SMG6: variants seen among roughly 807,000 people sequenced by gnomAD.
SMG6 encodes the protein SMG6 nonsense mediated mRNA decay factor.
Under a neutral mutation model 142.2 loss-of-function variants are expected in SMG6, and 66 were observed. The ratio of observed to expected loss-of-function variants is 0.46; its 90% CI spans 0.38 to 0.57. SMG6 has a LOEUF of 0.57. SMG6 is among the 20% of genes least tolerant of loss of function. SMG6 has a pLI of 0.00. For synonymous variants in SMG6, 779 were observed against 702.4 expected (o/e 1.11, Z -1.72); for missense variants, 1,793 against 1,832.0 (o/e 0.98, Z 0.39).
At chr17:2,259,733 G>C (rs1021928597) in intron 8 of SMG6, among the ~76,000 whole-genome samples, 1 of 151,052 alleles carries the variant, frequency 6.6e-6, no homozygotes, top group African/African-American at 2.4e-5. Context: ...CTAATAAAGG[G>C]ACTGTGCACA....
chr17:2,213,829 G>T (rs139072619), intron 10 of SMG6: 1 of 151,990 alleles, frequency 6.6e-6, no homozygotes, highest in African/African-American at 2.4e-5. Flanking sequence ...TTGAAATAAC[G>T]GGCCCACTGC....
At chr17:2,086,298 G>A (rs1045273074) in intron 13 of SMG6, among the ~76,000 whole-genome samples, 7 of 152,062 alleles carry the variant, frequency 4.6e-5, no homozygotes, top group Non-Finnish European at 7.4e-5. Context: ...GGGGCCCCTC[G>A]CTGCCACTCT....
At chr17:2,294,639 AGTTT>A (rs2075107911) in intron 4 of SMG6, among the ~76,000 whole-genome samples, 1 of 152,192 alleles carries the variant, frequency 6.6e-6, no homozygotes, top group South Asian at 2.1e-4. Context: ...CTTCAGCGTT[AGTTT>A]AACTATGATT....
At chr17:2,188,000 T>C (rs1473134706) in intron 11 of SMG6, among the ~76,000 whole-genome samples, 1 of 152,124 alleles carries the variant, frequency 6.6e-6, no homozygotes, top group Non-Finnish European at 1.5e-5. Context: ...TCTCCCATGA[T>C]GGCTGGTCCA....
chr17:2,091,783 A>G (rs113305908), intron 13 of SMG6, among the ~76,000 whole-genome samples: 9,306 of 145,362 alleles, frequency 0.064, 927 homozygotes, highest in African/African-American at 0.22. Flanking sequence ...CCATTCTCCT[A>G]CCTCAGCCTC....
At position 2,289,851 on chromosome 17, in the gene SMG6, T is replaced by G. The variant is rs193052580; in HGVS notation, c.2337+2701A>C. 3.7e-3 allele frequency among the ~76,000 whole-genome samples: 566 copies of G among 151,218 alleles called. 3 individuals carry two copies. Among genetic ancestry groups the G allele is most frequent in the African/African-American group, 0.013 (519 of 41,174 alleles). Reference sequence around the variant, plus strand: ...TAGCTTGAACCCAGGAGGCGGAGGTTACAGTAAGCCGAGACTACTGCAGCG... The same window carrying G: ...TAGCTTGAACCCAGGAGGCGGAGGTGACAGTAAGCCGAGACTACTGCAGCG... On this transcript the variant is annotated intron_variant, in intron 6 of 18. Transcript: ENST00000263073.
intron 13 of SMG6, among the ~76,000 whole-genome samples, chr17:2,172,053 C>T (rs2071519784): frequency 6.6e-6 from 1 of 152,208 alleles, no homozygotes; most frequent in Non-Finnish European, 1.5e-5. Context: ...ACTCCACAGT[C>T]TCCAACAGCG....
At chr17:2,105,894 A>G (rs929230752) in intron 13 of SMG6, among the ~76,000 whole-genome samples, 10 of 152,248 alleles carry the variant, frequency 6.6e-5, no homozygotes, top group Non-Finnish European at 1.3e-4. Flanking sequence ...TGTCTGCACC[A>G]CAGCCTTGAA....
At chr17:2,278,091 G>A (rs921716419) in intron 8 of SMG6, among the ~76,000 whole-genome samples, 7 of 152,102 alleles carry the variant, frequency 4.6e-5, no homozygotes, top group African/African-American at 1.7e-4. Context: ...TTACAGGTAT[G>A]TGCATACACG....
rs1296755104 is a variant in SMG6, at chr17:2,282,815, G to A, written c.2493C>T (p.Ser831=). 1 of 1,614,092 alleles carries A rather than the reference G, an allele frequency of 6.2e-7. No homozygotes were observed. Among genetic ancestry groups the A allele is most frequent in the Admixed American group, 1.7e-5 (1 of 60,008 alleles). Residue 831 remains serine (S), a synonymous_variant, in exon 8 of 19, where the codon AGC becomes AGT. Coordinates refer to ENST00000263073, the MANE Select transcript of SMG6 (RefSeq NM_017575.5). ...TCTTTCCTTTCCGCCACTGGTCAGG[G>A]CTCAGGTCAAATTCCTCATGTTGCT... is the stretch of plus-strand genomic sequence containing the variant. ...EKKQHEEFDL[S]PDQWRKGKKS...
In SMG6 at chr17:2,172,725, A is replaced by C; in HGVS notation, c.3290T>G (p.Leu1097Arg). ...AGCCAGCAAGGGGACAAAGCCCGAG[A>C]GAAGCCGATCCTCTTCCAGGATAAG... is the stretch of plus-strand genomic sequence containing the variant. Reference protein sequence around the residue: ...TLLILEEDRLLSGFVPLLAAP... With the variant: ...TLLILEEDRLRSGFVPLLAAP... Residue 1097 changes from leucine to arginine, a missense_variant, in exon 13 of 19, where the codon CTC becomes CGC. Around this residue, in one of 3 missense-constraint regions of SMG6, gnomAD observed 1,597 missense variants for 1,584.6 expected, o/e 1.01. Coordinates refer to ENST00000263073, the MANE Select transcript of SMG6 (RefSeq NM_017575.5). 1 of 1,614,158 alleles carries C rather than the reference A, an allele frequency of 6.2e-7. No homozygotes were observed. The highest frequency in any genetic ancestry group is 2.2e-5 in the East Asian group (1 of 44,880).
chr17:2,085,821 C>T lies in SMG6; in HGVS notation c.3438G>A (p.Leu1146=), dbSNP rs2068546142. Residue 1146 remains leucine (L), a synonymous_variant, in exon 14 of 19, where the codon CTG becomes CTA. Coordinates refer to ENST00000263073, the MANE Select transcript of SMG6 (RefSeq NM_017575.5). This position sits in a 1 kb window ranked among gnomAD's most constrained non-coding sequence, Gnocchi z 4.1. ...EALCGQEEPL[L]AFKGGKYVSV... is the part of the protein sequence containing the mutation. The stretch of plus-strand genomic sequence containing the variant: ...ACACATACTTTCCACCCTTGAATGC[C>T]AGCAGAGGCTCTTCTTGTCCACAAA... 2 of 1,614,188 alleles carry T rather than the reference C, an allele frequency of 1.2e-6. No homozygotes were observed. The highest frequency in any genetic ancestry group is 2.2e-5 in the South Asian group (2 of 91,080).
At chr17:2,122,253 A>G (rs1293277586) in intron 13 of SMG6, 1 of 152,266 alleles carries the variant, frequency 6.6e-6, no homozygotes, top group East Asian at 1.9e-4. Context: ...GGTACTGGGT[A>G]TAAGTGAGCT....
At chr17:2,292,659 C>T (rs1233577174) in intron 5 of SMG6, 29 bp from the exon 6 acceptor site, 1 of 1,611,394 alleles carries the variant, frequency 6.2e-7, no homozygotes, top group Admixed American at 1.7e-5. Context: ...TAAGAAAATG[C>T]TAGTTCCAGA....
At position 2,226,599 on chromosome 17, in the gene SMG6, C is replaced by CA. The variant is rs894880317; in HGVS notation, c.2869+9892dup. Among the ~76,000 whole-genome samples the CA allele has an allele frequency of 5.9e-4, 82 of 139,380 alleles. 1 individual carries two copies. The highest frequency in any genetic ancestry group is 1.9e-3 in the East Asian group (9 of 4,708). The allele number at this position is 139,380 out of a possible 152,430, so 91.4% of individuals were successfully genotyped here. ...GTCTTAAAACAAACAAACAAACAAA[C>CA]AAAAAAAAAACAAACAAGTGGGGCT... is the stretch of plus-strand genomic sequence containing the variant. On this transcript the variant is annotated intron_variant, in intron 10 of 18. Transcript: ENST00000263073.
intron 6 of SMG6, 29 bp downstream of exon 6, chr17:2,292,523 A>C (rs1432154903): frequency 1.2e-6 from 2 of 1,606,360 alleles, no homozygotes; most frequent in African/African-American, 2.7e-5. Context: ...CCTGCAAAGC[A>C]CTTTTCCCCT....
At position 2,071,741 on chromosome 17, in the gene SMG6, G is replaced by A. The variant is rs1022468773; in HGVS notation, c.3682-2810C>T. On this transcript the variant is annotated intron_variant, in intron 15 of 18. Transcript: ENST00000263073. This position sits in a 1 kb window ranked among gnomAD's most constrained non-coding sequence, Gnocchi z 5.6. Reference sequence around the variant, plus strand: ...CTGGGGTACCGGTGGGCCTCTGGGCGGGGGGGGTCACACCTGGGTCACAAG... The same window carrying A: ...CTGGGGTACCGGTGGGCCTCTGGGCAGGGGGGGTCACACCTGGGTCACAAG... Among the ~76,000 whole-genome samples, 1 of 19,598 alleles carries A rather than the reference G, an allele frequency of 5.1e-5. No homozygotes were observed. Among genetic ancestry groups the A allele is most frequent in the Non-Finnish European group, 9.6e-5 (1 of 10,364 alleles). The allele number at this position is 19,598 out of a possible 152,430, so 12.9% of individuals were successfully genotyped here.
At chr17:2,227,815 T>C (rs1215110106) in intron 10 of SMG6, among the ~76,000 whole-genome samples, 2 of 152,204 alleles carry the variant, frequency 1.3e-5, no homozygotes, top group African/African-American at 2.4e-5. Flanking sequence ...TAACCATCAA[T>C]AGACTCAATG....
At chr17:2,128,833 A>AAAAAG (rs994810334) in intron 13 of SMG6, among the ~76,000 whole-genome samples, 1 of 149,034 alleles carries the variant, frequency 6.7e-6, no homozygotes, top group African/African-American at 2.5e-5. Context: ...AAAAAAAAAA[A>AAAAAG]AGAGAGAGAG....
Sources: gnomAD v4.1 joint callset for allele counts (sites outside exome capture counted in the v4.1 genomes callset) on GRCh38, gnomAD v4.1.1 for gene constraint, gnomAD v4.1.1 regional missense constraint, Gnocchi (gnomAD v3.1) non-coding constraint, MANE v1.5 for transcripts, NCBI Gene and HGNC (gene_info 2026-07-23, HGNC 2026-07-21) for gene names.